Variants in OR10G3 observed in about 807,000 individuals in gnomAD.
The protein encoded by OR10G3 is olfactory receptor family 10 subfamily G member 3.
Under a neutral mutation model 13.4 loss-of-function variants are expected in OR10G3, and 8 were observed. The observed-to-expected ratio is 0.60, with a 90% confidence interval of 0.35 to 1.08. The LOEUF is 1.08. Among genes scored for constraint, OR10G3 ranks in the 50% least tolerant of loss-of-function variants. The pLI, the probability that OR10G3 is intolerant of heterozygous loss-of-function variation, is 0.02. For synonymous variants in OR10G3, 142 were observed against 156.1 expected (o/e 0.91, Z 0.67); for missense variants, 393 against 386.6 (o/e 1.02, Z -0.14).
intron 1 of OR10G3, among the ~76,000 whole-genome samples, chr14:21,578,947 T>C (rs943462449): frequency 6.6e-6 from 1 of 152,202 alleles, no homozygotes; most frequent in African/African-American, 2.4e-5. Context: ...GAATTGTCTG[T>C]TTAAAATATT....
rs902278598 is a variant in OR10G3 at position 21,578,852 on chromosome 14, T to C, written c.-18+934A>G. Among the ~76,000 whole-genome samples, 6 of 152,246 alleles carry C rather than the reference T, an allele frequency of 3.9e-5. No homozygotes were observed. The East Asian group carries it at 5.8e-4, about 15-fold the overall frequency. ...ACAATGGAACAAATATATACATATATAATATGAGAAAAGTTTGAGTTATTA... is the reference window on the plus strand; with the variant it reads ...ACAATGGAACAAATATATACATATACAATATGAGAAAAGTTTGAGTTATTA... On this transcript the variant is annotated intron_variant, in intron 1 of 1. Coordinates refer to ENST00000641040, the MANE Select transcript of OR10G3 (RefSeq NM_001005465.2).
rs572001281 is a variant in OR10G3 at position 21,577,799 on chromosome 14, G to T, written c.-18+1987C>A. Among the ~76,000 whole-genome samples the T allele has an allele frequency of 1.3e-4, 19 of 151,416 alleles. No homozygotes were observed. In the South Asian group the frequency reaches 3.8e-3, roughly 30 times the overall value. ...CGAGGCGGGCAGATCACCTGAGGTC[G>T]GGTGATCAGCCTGACCAACGTGAAG... On this transcript the variant is annotated intron_variant, in intron 1 of 1. Transcript: ENST00000641040.
intron 1 of OR10G3, among the ~76,000 whole-genome samples, chr14:21,575,432 G>A (rs1406321863): frequency 6.7e-6 from 1 of 149,214 alleles, no homozygotes; most frequent in Non-Finnish European, 1.5e-5. Flanking sequence ...CCAGGCTGGA[G>A]GGCAGTGGCA....
chr14:21,570,721 C>T lies in OR10G3; in HGVS notation c.24G>A (p.Leu8=). Reference sequence around the variant, plus strand: ...TTCCTGTCAGGATAAACGCAGTCAACAGTGTGCTGTTGATTCTTTCCATAT... The same window carrying T: ...TTCCTGTCAGGATAAACGCAGTCAATAGTGTGCTGTTGATTCTTTCCATAT... MERINST[L]LTAFILTGIP... The change falls in exon 2 of 2, where the codon CTG becomes CTA. Residue 8 remains leucine (L), a synonymous_variant. Coordinates refer to ENST00000641040, the MANE Select transcript of OR10G3 (RefSeq NM_001005465.2). 1 of 1,593,956 alleles carries T rather than the reference C, an allele frequency of 6.3e-7. No individual in the cohort carries two copies. Among genetic ancestry groups the T allele is most frequent in the South Asian group, 1.1e-5 (1 of 89,712 alleles).
chr14:21,570,450 C>T lies in OR10G3; in HGVS notation c.295G>A (p.Val99Ile). 2 of 1,614,142 alleles carry T rather than the reference C, an allele frequency of 1.2e-6. No homozygotes were observed. Among genetic ancestry groups the T allele is most frequent in the Non-Finnish European group, 1.7e-6 (2 of 1,180,034 alleles). ...AAGTGATAGAAATAGAGTTGAGCAA[C>T]ACAGCCACCAAATGGGATGGGTTTG... is the stretch of plus-strand genomic sequence containing the variant. The part of the protein sequence containing the change: ...GVKPIPFGGC[V>I]AQLYFYHFLG... The change falls in exon 2 of 2, where the codon GTT (valine) becomes ATT (isoleucine). Residue 99 changes from valine to isoleucine, a missense_variant. Transcript: ENST00000641040.
intron 1 of OR10G3, among the ~76,000 whole-genome samples, chr14:21,576,636 T>C (rs1228586595): frequency 2.0e-5 from 3 of 152,238 alleles, no homozygotes; most frequent in Non-Finnish European, 4.4e-5. Context: ...TTTTCTAACT[T>C]TTTAGAGTTC....
At chr14:21,575,274 G>C (rs551162348) in intron 1 of OR10G3, among the ~76,000 whole-genome samples, 2 of 152,096 alleles carry the variant, frequency 1.3e-5, no homozygotes, top group African/African-American at 2.4e-5. Context: ...GTAGAGACAG[G>C]GTTTCACCGT....
In OR10G3 at chr14:21,570,010, A is replaced by G. The variant is rs1480281694; in HGVS notation, c.735T>C (p.His245=). The change falls in exon 2 of 2, where the codon CAT becomes CAC. Residue 245 remains histidine, a synonymous_variant. Transcript: ENST00000641040. ...RRRAFSTCGA[H]VTVVTVYYVP... is the part of the protein sequence containing the mutation. ...CATAGTACACGGTGACCACGGTTAC[A>G]TGGGCTCCACAAGTTGAAAAAGCCC... The G allele has an allele frequency of 6.2e-7, 1 of 1,614,174 alleles. No individual in the cohort carries two copies. Among genetic ancestry groups the G allele is most frequent in the South Asian group, 1.1e-5 (1 of 91,086 alleles).
At chr14:21,578,662 A>G (rs1876815289) in intron 1 of OR10G3, among the ~76,000 whole-genome samples, 1 of 152,126 alleles carries the variant, frequency 6.6e-6, no homozygotes, top group Non-Finnish European at 1.5e-5. Context: ...AATGGCCATG[A>G]AGAAAACTTT....
chr14:21,572,311 A>AAAAAAAAAAAAG (rs1893079586), intron 1 of OR10G3, among the ~76,000 whole-genome samples: 1 of 136,224 alleles, frequency 7.3e-6, no homozygotes, highest in Non-Finnish European at 1.6e-5. Flanking sequence ...AAAAAAAAAA[A>AAAAAAAAAAAAG]AAAAAGGCCA....
At chr14:21,578,282 G>C (rs922522961) in intron 1 of OR10G3, among the ~76,000 whole-genome samples, 1 of 148,824 alleles carries the variant, frequency 6.7e-6, no homozygotes, top group Non-Finnish European at 1.5e-5. Context: ...ATAGTGGTAT[G>C]AGCCTGTAAT....
At position 21,569,919 on chromosome 14, in the gene OR10G3, C is replaced by T; in HGVS notation, c.826G>A (p.Val276Ile). ...NSPLDGAAAL[V>I]PTAITPFLNP... The stretch of plus-strand genomic sequence containing the variant: ...AGGAAAGGAGTGATGGCCGTGGGGA[C>T]TAGGGCAGCTGCCCCATCCAGGGGG... The change falls in exon 2 of 2, where the codon GTC (valine) becomes ATC (isoleucine). Residue 276 changes from valine (V) to isoleucine (I), a missense_variant. By Grantham distance (29) the Val-to-Ile change is conservative. Coordinates refer to ENST00000641040, the MANE Select transcript of OR10G3 (RefSeq NM_001005465.2). 1 of 1,613,296 alleles carries T rather than the reference C, an allele frequency of 6.2e-7. No homozygotes were observed. The highest frequency in any genetic ancestry group is 8.5e-7 in the Non-Finnish European group (1 of 1,179,602).
At position 21,570,248 on chromosome 14, in the gene OR10G3, C is replaced by A. The variant is rs61743457; in HGVS notation, c.497G>T (p.Arg166Leu). The stretch of plus-strand genomic sequence containing the variant: ...CTGATTGGGCCCACAGTAGGGCAGG[C>A]GGAAGGTTAGGATGGCCTGGAGAGC... ...HGALQAILTFRLPYCGPNQVD... is the reference protein window; with the variant it reads ...HGALQAILTFLLPYCGPNQVD... The change falls in exon 2 of 2, where the codon CGC (arginine) becomes CTC (leucine). Residue 166 changes from arginine (R) to leucine (L), a missense_variant. Coordinates refer to ENST00000641040, the MANE Select transcript of OR10G3 (RefSeq NM_001005465.2). The A allele has an allele frequency of 6.2e-7, 1 of 1,613,978 alleles. No homozygotes were observed. Among genetic ancestry groups the A allele is most frequent in the Non-Finnish European group, 8.5e-7 (1 of 1,180,016 alleles).
intron 1 of OR10G3, among the ~76,000 whole-genome samples, chr14:21,572,777 T>C (rs897112416): frequency 6.6e-6 from 1 of 152,146 alleles, no homozygotes; most frequent in Non-Finnish European, 1.5e-5. Flanking sequence ...TATTCTGTCA[T>C]TGGTTGATGT....
intron 1 of OR10G3, among the ~76,000 whole-genome samples, chr14:21,572,608 C>CAAAAAAAAAAAAACAAA (rs1893083429): frequency 9.0e-6 from 1 of 110,512 alleles, no homozygotes; most frequent in Non-Finnish European, 1.8e-5. Context: ...AACAAACAAA[C>CAAAAAAAAAAAAACAAA]AAAAAAAAAA....
intron 1 of OR10G3, chr14:21,574,845 G>A (rs2139713289): frequency 6.6e-6 from 1 of 152,230 alleles, no homozygotes; most frequent in Middle Eastern, 3.4e-3. Context: ...CAGCTACTTG[G>A]GAGGCTGAGA....
chr14:21,569,977 A>G lies in OR10G3; in HGVS notation c.768T>C (p.Cys256=). ...VTVVTVYYVP[C]AFIYLRPETN... ...TTTCAGGCCTCAGGTAGATGAAGGCACAGGGCACATAGTACACGGTGACCA... is the reference window on the plus strand; with the variant it reads ...TTTCAGGCCTCAGGTAGATGAAGGCGCAGGGCACATAGTACACGGTGACCA... Residue 256 remains cysteine (C), a synonymous_variant, in exon 2 of 2, where the codon TGT becomes TGC. Transcript: ENST00000641040. 6.2e-7 allele frequency: 1 copy of G among 1,613,412 alleles called. No individual in the cohort carries two copies. Among genetic ancestry groups the G allele is most frequent in the African/African-American group, 1.3e-5 (1 of 75,032 alleles).
At position 21,570,528 on chromosome 14, in the gene OR10G3, T is replaced by C. The variant is rs17792778; in HGVS notation, c.217A>G (p.Ser73Gly). ...FLGVLSVIDM[S>G]ISSIIVPRLM... ...CGAGGGACAATGATGGAGGAGATGC[T>C]CATATCAATGACTGAGAGAACACCA... The change falls in exon 2 of 2, where the codon AGC (serine) becomes GGC (glycine). Residue 73 changes from serine (S) to glycine (G), a missense_variant. Coordinates refer to ENST00000641040, the MANE Select transcript of OR10G3 (RefSeq NM_001005465.2). 0.67 allele frequency: 1,074,801 copies of C among 1,613,690 alleles called. 360,022 individuals are homozygous for C. The highest frequency in any genetic ancestry group is 0.8 in the Admixed American group (48,164 of 59,980).
In OR10G3 at chr14:21,570,447, C is replaced by T. The variant is rs1893055050; in HGVS notation, c.298G>A (p.Ala100Thr). The change falls in exon 2 of 2, where the codon GCT becomes ACT. Residue 100 changes from alanine to threonine, a missense_variant. By Grantham distance (58) the Ala-to-Thr change is moderately conservative. Transcript: ENST00000641040. ...VKPIPFGGCV[A>T]QLYFYHFLGS... ...AGGAAGTGATAGAAATAGAGTTGAG[C>T]AACACAGCCACCAAATGGGATGGGT... 1 of 1,613,974 alleles carries T rather than the reference C, an allele frequency of 6.2e-7. No homozygotes were observed. The highest frequency in any genetic ancestry group is 1.3e-5 in the African/African-American group (1 of 74,884).
Sources: allele counts gnomAD v4.1 joint callset (sites outside exome capture counted in the v4.1 genomes callset), GRCh38; gene constraint gnomAD v4.1.1; transcripts MANE v1.5; gene names NCBI Gene and HGNC (gene_info 2026-07-23, HGNC 2026-07-21).